MYCBPAP: variants seen among roughly 807,000 people sequenced by gnomAD.
MYCBPAP encodes the protein MYCBP associated protein, also known as MYCBP-associated protein.
MYCBPAP carries 60 observed loss-of-function variants against 106.1 expected under a neutral mutation model. The ratio of observed to expected loss-of-function variants is 0.57; its 90% CI spans 0.46 to 0.70. MYCBPAP has a LOEUF of 0.70. Ranked by LOEUF, MYCBPAP falls within the 30% of genes least tolerant of loss-of-function variation. The probability of loss-of-function intolerance (pLI) is 0.00; values close to 1 mark genes in which losing one functional copy is unlikely to be tolerated. For synonymous variants in MYCBPAP, 407 were observed against 440.6 expected (o/e 0.92, Z 0.95); for missense variants, 1,064 against 1,169.3 (o/e 0.91, Z 1.31).
Position 50,510,491 on chromosome 17 carries a change from GTGTGTGTGTATA to G in MYCBPAP, c.76+1743_76+1754del, listed in dbSNP as rs1201544365. The stretch of plus-strand genomic sequence containing the variant: ...TGTATATATGTGTGTGTGTGTGTGT[GTGTGTGTGTATA>G]TATATATATATATATATATATATAT... On this transcript the variant is annotated intron_variant, in intron 1 of 18. Transcript: ENST00000323776. 777 of 113,808 alleles carry G rather than the reference GTGTGTGTGTATA, an allele frequency of 6.8e-3. 12 individuals carry two copies. The highest frequency in any genetic ancestry group is 0.023 in the African/African-American group (728 of 32,062). 7.0% of individuals were successfully genotyped at this position (113,808 alleles called of 1,614,324 possible).
At chr17:50,520,621 C>T (rs1490229838) in intron 7 of MYCBPAP, among the ~76,000 whole-genome samples, 6 of 152,240 alleles carry the variant, frequency 3.9e-5, no homozygotes, top group East Asian at 1.9e-4. Flanking sequence ...TTCAGTGACA[C>T]GTGTGGCTTG....
In MYCBPAP at chr17:50,522,010, A is replaced by G. The variant is rs962531045; in HGVS notation, c.1186A>G (p.Ile396Val). 5 of 1,613,924 alleles carry G rather than the reference A, an allele frequency of 3.1e-6. No homozygotes were observed. The highest frequency in any genetic ancestry group is 1.3e-5 in the African/African-American group (1 of 74,932). The change falls in exon 10 of 19, where the codon ATT becomes GTT. Residue 396 changes from isoleucine to valine, a missense_variant. By Grantham distance (29) the Ile-to-Val change is conservative (BLOSUM62 3). Transcript: ENST00000323776. The stretch of plus-strand genomic sequence containing the variant: ...CAGTTCCTCTGATGTCTCCATGCCT[A>G]TTCTCGGCCCTTCTCTGCTGTTCTG... ...LASSSDVSMP[I>V]LGPSLLFCGK...
Position 50,519,009 on chromosome 17 carries a change from C to G in MYCBPAP, c.688C>G (p.His230Asp). Residue 230 changes from histidine to aspartate, a missense_variant, in exon 6 of 19, where the codon CAC (histidine) becomes GAC (aspartate). Physicochemically the swap from His to Asp is moderately conservative, Grantham distance 81. Transcript: ENST00000323776. ...LKKPVSELLM[H>D]TGETYRRIQE... ...GAAGCCAGTGAGTGAGCTGCTCATG[C>G]ACACCGGGGAGACCTACAGACGGAT... The G allele has an allele frequency of 1.2e-6, 2 of 1,614,134 alleles. No homozygotes were observed. Among genetic ancestry groups the G allele is most frequent in the Non-Finnish European group, 1.7e-6 (2 of 1,180,036 alleles).
rs369166836 is a variant in MYCBPAP at position 50,530,634 on chromosome 17, GA to G, written c.2725-683del. Among the ~76,000 whole-genome samples, 204 of 143,442 alleles carry G rather than the reference GA, an allele frequency of 1.4e-3. 2 individuals are homozygous for G. The highest frequency in any genetic ancestry group is 4.8e-3 in the African/African-American group (186 of 38,916). The allele number at this position is 143,442 out of a possible 152,430, so 94.1% of individuals were successfully genotyped here. A position where few individuals can be genotyped will look rare whatever the true frequency, so the allele number is the denominator to read the frequency against. On this transcript the variant is annotated intron_variant, in intron 18 of 18. Transcript: ENST00000323776. ...AACACAGGGAGACCCCATCTCTGCA[GA>G]AAAAAAAAAGAATCAACTTGTCTGG... is the stretch of plus-strand genomic sequence containing the variant.
At position 50,515,691 on chromosome 17, in the gene MYCBPAP, T is replaced by TA. The variant is rs2034022791; in HGVS notation, c.77-877dup. Among the ~76,000 whole-genome samples the TA allele has an allele frequency of 2.6e-5, 4 of 152,370 alleles. No homozygotes were observed. The South Asian group carries it at 8.3e-4, about 32-fold the overall frequency. ...AAAGATTCTGAGGCAGACATTGGACTAATAACTTGGGAACCACTGATTTAG... is the reference window on the plus strand; with the variant it reads ...AAAGATTCTGAGGCAGACATTGGACTAAATAACTTGGGAACCACTGATTTAG... On this transcript the variant is annotated intron_variant, in intron 1 of 18. Transcript: ENST00000323776.
At chr17:50,525,659 C>CTCTTTTTTTT (rs57947501) in intron 13 of MYCBPAP, among the ~76,000 whole-genome samples, 6 of 131,364 alleles carry the variant, frequency 4.6e-5, no homozygotes, top group African/African-American at 8.6e-5. Context: ...GCTAATTTCT[C>CTCTTTTTTTT]TTTTTTTTTT....
intron 17 of MYCBPAP, 21 bp downstream of exon 17, chr17:50,528,861 G>A (rs1401326006): frequency 1.2e-6 from 2 of 1,612,154 alleles, no homozygotes; most frequent in Non-Finnish European, 1.7e-6. Context: ...GCGTGGTCTG[G>A]GCCAGGTGGG....
At chr17:50,521,868 A>C in intron 9 of MYCBPAP, 105 bp from the exon 10 acceptor site, 299 of 941,020 alleles carry the variant, frequency 3.2e-4, no homozygotes, top group Non-Finnish European at 4.6e-4. Context: ...ATTGCAGGGT[A>C]GAGCTGGTTG....
chr17:50,523,038 T>C lies in MYCBPAP; in HGVS notation c.1357T>C (p.Trp453Arg). ...TVVNNGTVAI[W>R]YDWRRQHQPD... ...GGTCAATAATGGCACCGTGGCCATT[T>C]GGTATGACTGGCGACGGCAGCACCA... The change falls in exon 11 of 19, where the codon TGG becomes CGG. Residue 453 changes from tryptophan (W) to arginine (R), a missense_variant. Coordinates refer to ENST00000323776, the MANE Select transcript of MYCBPAP (RefSeq NM_032133.6). The C allele has an allele frequency of 6.2e-7, 1 of 1,614,074 alleles. No individual in the cohort carries two copies. The highest frequency in any genetic ancestry group is 8.5e-7 in the Non-Finnish European group (1 of 1,180,026).
chr17:50,522,694 C>CACAAAAAAAAAAAAAAAAA (rs2034304306), intron 10 of MYCBPAP: 1 of 36,274 alleles, frequency 2.8e-5, no homozygotes, highest in Non-Finnish European at 4.6e-5. Context: ...AACTCTGTCT[C>CACAAAAAAAAAAAAAAAAA]AAAAAAAAAA....
intron 1 of MYCBPAP, chr17:50,515,793 T>C (rs2034027023): frequency 6.6e-6 from 1 of 152,244 alleles, no homozygotes; most frequent in Non-Finnish European, 1.5e-5. Flanking sequence ...ACTGTCCAGC[T>C]TATAAATAGC....
chr17:50,508,348 G>A (rs556695570), upstream of MYCBPAP: 5,844 of 492,366 alleles, frequency 0.012, 57 homozygotes, highest in South Asian at 0.021. Flanking sequence ...ACTCGCGGGG[G>A]TCCTCGCCCG....
At chr17:50,519,487 G>C in intron 6 of MYCBPAP, 153 bp from the exon 7 acceptor site, 1 of 906,614 alleles carries the variant, frequency 1.1e-6, no homozygotes, top group South Asian at 1.7e-5. Context: ...CAGAAAACAC[G>C]GCAGTGGATG....
chr17:50,516,150 T>C (rs879267771), intron 1 of MYCBPAP: 4 of 158,468 alleles, frequency 2.5e-5, no homozygotes, highest in Non-Finnish European at 4.2e-5. Flanking sequence ...CCACCACACC[T>C]GGCTAATTTT....
At chr17:50,518,448 A>C in intron 4 of MYCBPAP, 93 bp from the exon 5 acceptor site, 3 of 1,141,040 alleles carry the variant, frequency 2.6e-6, no homozygotes, top group Non-Finnish European at 3.6e-6. Flanking sequence ...GCGCAGTGGG[A>C]TAACAGCACG....
At position 50,519,055 on chromosome 17, in the gene MYCBPAP, T is replaced by C. The variant is rs1255309617; in HGVS notation, c.734T>C (p.Ile245Thr). Residue 245 changes from isoleucine to threonine, a missense_variant, in exon 6 of 19, where the codon ATT (isoleucine) becomes ACT (threonine). Ile to Thr is a moderately conservative substitution (Grantham distance 89). Coordinates refer to ENST00000323776, the MANE Select transcript of MYCBPAP (RefSeq NM_032133.6). Reference sequence around the variant, plus strand: ...CGGATCCAGGAGGAGCGGGAGCTCATTGACTGCACACTTCCAACCCGGCGT... The same window carrying C: ...CGGATCCAGGAGGAGCGGGAGCTCACTGACTGCACACTTCCAACCCGGCGT... ...YRRIQEEREL[I>T]DCTLPTRRDR... 6.2e-7 allele frequency: 1 copy of C among 1,613,806 alleles called. No individual in the cohort carries two copies. The highest frequency in any genetic ancestry group is 1.1e-5 in the South Asian group (1 of 91,060).
chr17:50,519,144 C>T (rs1370019812), intron 6 of MYCBPAP, 55 bp downstream of exon 6: 15 of 434,102 alleles, frequency 3.5e-5, no homozygotes, highest in Admixed American at 2.5e-4. Flanking sequence ...GAGGAGGGGG[C>T]GGGGGCAGGT....
intron 2 of MYCBPAP, 119 bp downstream of exon 2, chr17:50,516,816 C>G (rs1468199541): frequency 9.3e-7 from 1 of 1,076,306 alleles, no homozygotes; most frequent in Non-Finnish European, 1.3e-6. Context: ...ATGGAAAAAC[C>G]CACTGAACAC....
intron 10 of MYCBPAP, chr17:50,522,709 A>ATATATATATATATATATATATATATATAT (rs1555620722): frequency 1.8e-4 from 9 of 50,040 alleles, no homozygotes; most frequent in South Asian, 7.9e-4. Context: ...AAAAAAAAAA[A>ATATATATATATATATATATATATATATAT]ATATATATAT....
Sources: allele counts gnomAD v4.1 joint callset (sites outside exome capture counted in the v4.1 genomes callset), GRCh38; gene constraint gnomAD v4.1.1; transcripts MANE v1.5; gene names NCBI Gene and HGNC (gene_info 2026-07-23, HGNC 2026-07-21).